The following ZFAT variants were observed in gnomAD, a reference collection of about 807,000 sequenced individuals.
ZFAT encodes the protein zinc finger and AT-hook domain containing.
In ZFAT, 64 loss-of-function variants were observed where a neutral mutation model predicts 117.7. That is an observed-to-expected ratio of 0.54 (90% CI 0.44 to 0.67). ZFAT has a LOEUF of 0.67. Ranked by LOEUF, ZFAT falls within the 30% of genes least tolerant of loss-of-function variation. The pLI is 0.00. For synonymous variants in ZFAT, 679 were observed against 615.0 expected, an observed-to-expected ratio of 1.10 and a Z score of -1.54; for missense variants, 1,433 against 1,584.5, an observed-to-expected ratio of 0.90 and a Z score of 1.62.
chr8:134,754,550 C>T, the ZFAT span, among the ~76,000 whole-genome samples: 1 of 152,222 alleles, frequency 6.6e-6, no homozygotes, highest in South Asian at 2.1e-4. Flanking sequence ...TCAAGCATTC[C>T]CTCAAACAGA....
intron 3 of ZFAT, among the ~76,000 whole-genome samples, chr8:134,615,775 A>C (rs1197997958): frequency 6.6e-6 from 1 of 152,238 alleles, no homozygotes; most frequent in Non-Finnish European, 1.5e-5. Flanking sequence ...CGGACATTAC[A>C]TTCTATTCTT....
chr8:134,612,556 T>C (rs1828418430), intron 3 of ZFAT, among the ~76,000 whole-genome samples: 1 of 152,200 alleles, frequency 6.6e-6, no homozygotes, highest in African/African-American at 2.4e-5. Context: ...AAAACAAACA[T>C]TCTAATTTTC....
chr8:134,495,353 A>G (rs1586579604), intron 15 of ZFAT, among the ~76,000 whole-genome samples: 1 of 152,264 alleles, frequency 6.6e-6, no homozygotes, highest in East Asian at 1.9e-4. Flanking sequence ...TAAGGCACTC[A>G]TCGCATTCAT....
chr8:134,534,290 T>G (rs1027149286), intron 11 of ZFAT, among the ~76,000 whole-genome samples: 5 of 152,252 alleles, frequency 3.3e-5, no homozygotes, highest in African/African-American at 1.2e-4. Flanking sequence ...CAATTCTTAC[T>G]GTGCATCTGG....
intron 2 of ZFAT, among the ~76,000 whole-genome samples, chr8:134,645,720 T>C (rs951285096): frequency 2.0e-5 from 3 of 152,152 alleles, no homozygotes; most frequent in Admixed American, 2.0e-4. Flanking sequence ...CTAAGCCACA[T>C]ATTCCTCAAT....
At chr8:134,772,239 C>A in the ZFAT span, among the ~76,000 whole-genome samples, 3 of 152,196 alleles carry the variant, frequency 2.0e-5, no homozygotes, top group East Asian at 1.9e-4. Context: ...TTAAGCTCAA[C>A]GAGAAAGACA....
rs1385102505 is a variant in ZFAT at position 134,588,310 on chromosome 8, T to C, written c.2649A>G (p.Pro883=). 4 of 1,584,308 alleles carry C rather than the reference T, an allele frequency of 2.5e-6. No homozygotes were observed. The highest frequency in any genetic ancestry group is 2.3e-5 in the East Asian group (1 of 43,720). The change falls in exon 9 of 16, where the codon CCA becomes CCG. Residue 883 remains proline (P), a synonymous_variant. Coordinates refer to ENST00000377838, the MANE Select transcript of ZFAT (RefSeq NM_020863.4). ...GLIGKRAMKC[P]YCDFYFMKNG... is the part of the protein sequence containing the mutation. Reference sequence around the variant, plus strand: ...TCTTCATGAAATAAAAGTCACAATATGGGCATTTCATGGCTCTCTTTCCAA... The same window carrying C: ...TCTTCATGAAATAAAAGTCACAATACGGGCATTTCATGGCTCTCTTTCCAA...
chr8:134,666,508 T>C (rs906146967), intron 1 of ZFAT, among the ~76,000 whole-genome samples: 1 of 152,184 alleles, frequency 6.6e-6, no homozygotes, highest in Non-Finnish European at 1.5e-5. Context: ...CAGAATTAGA[T>C]GGCAAGGGCT....
intron 14 of ZFAT, chr8:134,510,665 A>C: frequency 6.4e-6 from 1 of 155,324 alleles, no homozygotes; most frequent in Admixed American, 6.3e-5. Flanking sequence ...GCAGCCAACC[A>C]CTCCGAACAT....
chr8:134,768,298 T>C, the ZFAT span, among the ~76,000 whole-genome samples: 6 of 152,218 alleles, frequency 3.9e-5, no homozygotes, highest in African/African-American at 9.7e-5. Flanking sequence ...TACAGTTGTT[T>C]TGAGGCATCG....
Position 134,637,586 on chromosome 8 carries a change from C to A in ZFAT, c.323G>T (p.Gly108Val). 6.2e-7 allele frequency: 1 copy of A among 1,614,236 alleles called. No homozygotes were observed. The highest frequency in any genetic ancestry group is 8.5e-7 in the Non-Finnish European group (1 of 1,180,034). Reference sequence around the variant, plus strand: ...CAAGCTGCTTGGAGGCAGGCTGTTCCCTTCCTCCGGAGCCAGCGGGCTGTC... The same window carrying A: ...CAAGCTGCTTGGAGGCAGGCTGTTCACTTCCTCCGGAGCCAGCGGGCTGTC... ...TEDSPLAPEE[G>V]NSLPPSSLEC... The change falls in exon 3 of 16, where the codon GGG becomes GTG. Residue 108 changes from glycine to valine, a missense_variant. Physicochemically the swap from Gly to Val is moderately radical, Grantham distance 109. Around this residue, in one of 5 missense-constraint regions of ZFAT, gnomAD observed 436 missense variants for 482.0 expected, o/e 0.90. Coordinates refer to ENST00000377838, the MANE Select transcript of ZFAT (RefSeq NM_020863.4).
In ZFAT at chr8:134,602,009, T is replaced by G. The variant is rs1463984867; in HGVS notation, c.1710A>C (p.Thr570=). Residue 570 remains threonine, a synonymous_variant, in exon 6 of 16, where the codon ACA becomes ACC. Coordinates refer to ENST00000377838, the MANE Select transcript of ZFAT (RefSeq NM_020863.4). ...VHLASPQAES[T]ALPPCELETT... ...TTTCCAGCTCACAGGGTGGCAGGGC[T>G]GTGCTTTCGGCCTGCGGGGAGGCCA... The G allele has an allele frequency of 5.0e-6, 8 of 1,612,922 alleles. No individual in the cohort carries two copies. The Admixed American group carries it at 5.0e-5, about 10-fold the overall frequency.
At chr8:134,514,888 C>T (rs1229773877) in intron 13 of ZFAT, among the ~76,000 whole-genome samples, 1 of 152,082 alleles carries the variant, frequency 6.6e-6, no homozygotes, top group Non-Finnish European at 1.5e-5. Context: ...TATACACGTG[C>T]CATGGTGGTT....
At chr8:134,707,436 A>AT (rs1259846248) in intron 1 of ZFAT, among the ~76,000 whole-genome samples, 1 of 152,180 alleles carries the variant, frequency 6.6e-6, no homozygotes, top group East Asian at 1.9e-4. Context: ...GTAAAAAAAA[A>AT]ATTAATAAGC....
At chr8:134,673,231 AG>A (rs1436915953) in intron 1 of ZFAT, 1 of 152,276 alleles carries the variant, frequency 6.6e-6, no homozygotes, top group African/African-American at 2.4e-5. Flanking sequence ...AGCATACAAG[AG>A]CAATGATCCT....
chr8:134,775,538 C>T, the ZFAT span, among the ~76,000 whole-genome samples: 47 of 152,248 alleles, frequency 3.1e-4, no homozygotes, highest in African/African-American at 1.1e-3. Flanking sequence ...CCTGAACTTT[C>T]GACTTTTGTA....
intron 1 of ZFAT, among the ~76,000 whole-genome samples, chr8:134,661,187 A>G (rs1831907952): frequency 6.6e-6 from 1 of 152,236 alleles, no homozygotes. Flanking sequence ...AAACTCCAGG[A>G]AGGGCGCGTG....
At chr8:134,754,519 C>T in the ZFAT span, among the ~76,000 whole-genome samples, 2 of 152,150 alleles carry the variant, frequency 1.3e-5, no homozygotes, top group Admixed American at 6.5e-5. Context: ...CCAGGACTGC[C>T]CCTTCCCAGC....
intron 11 of ZFAT, among the ~76,000 whole-genome samples, chr8:134,559,162 T>C (rs1338485499): frequency 1.3e-5 from 2 of 152,210 alleles, no homozygotes; most frequent in Non-Finnish European, 2.9e-5. Context: ...GGTTAAAATA[T>C]ATATATAGGG....
Sources: allele counts gnomAD v4.1 joint callset (sites outside exome capture counted in the v4.1 genomes callset), GRCh38; gene constraint gnomAD v4.1.1; regional missense constraint gnomAD v4.1.1; transcripts MANE v1.5; gene names NCBI Gene and HGNC (gene_info 2026-07-23, HGNC 2026-07-21).